Variants in MRPS15 observed in about 807,000 individuals in gnomAD.
MRPS15 encodes mitochondrial ribosomal protein S15, also known as small ribosomal subunit protein uS15m.
MRPS15 carries 25 observed loss-of-function variants against 30.7 expected under a neutral mutation model. The observed-to-expected ratio is 0.81, with a 90% confidence interval of 0.59 to 1.14. The LOEUF is 1.14. Ranked by LOEUF, MRPS15 falls within the 50% of genes most tolerant of loss-of-function variation. MRPS15 has a pLI of 0.00. For missense variants in MRPS15, 313 were observed against 321.7 expected (o/e 0.97, Z 0.21); for synonymous variants, 124 against 120.1 (o/e 1.03, Z -0.21).
At chr1:36,457,275 CA>C (rs60005613) in intron 6 of MRPS15, among the ~76,000 whole-genome samples, 39,572 of 142,516 alleles carry the variant, frequency 0.28, 5,732 homozygotes, top group East Asian at 0.53. Flanking sequence ...GGCTCCATCT[CA>C]AAAAAAAAAA....
At chr1:36,461,623 A>C (rs1292680735) in intron 3 of MRPS15, among the ~76,000 whole-genome samples, 2 of 152,196 alleles carry the variant, frequency 1.3e-5, no homozygotes, top group Admixed American at 6.5e-5. Context: ...GTTAAATTGC[A>C]CAGTGGGAGG....
At chr1:36,464,049 A>G in intron 1 of MRPS15, 97 bp downstream of exon 1, 1 of 1,289,602 alleles carries the variant, frequency 7.8e-7, no homozygotes, top group Non-Finnish European at 1.0e-6. Flanking sequence ...CCTTATCCTG[A>G]CCGCTGTATA....
Position 36,464,344 on chromosome 1 carries a change from A to C in MRPS15, c.-69T>G. ...CGCTTTGCGGCACGGACCGGGTTACATGGGCGCCGCCATGCTGGCCCAGGA... is the reference window on the plus strand; with the variant it reads ...CGCTTTGCGGCACGGACCGGGTTACCTGGGCGCCGCCATGCTGGCCCAGGA... On this transcript the variant is annotated 5_prime_UTR_variant, in exon 1 of 8. It removes an upstream start codon present in the reference 5' UTR. Coordinates refer to ENST00000373116, the MANE Select transcript of MRPS15 (RefSeq NM_031280.4). 2.6e-6 allele frequency: 4 copies of C among 1,558,404 alleles called. No individual in the cohort carries two copies. Among genetic ancestry groups the C allele is most frequent in the South Asian group, 1.2e-5 (1 of 84,522 alleles).
chr1:36,456,523 T>C lies in MRPS15; in HGVS notation c.445-145A>G, dbSNP rs1295227474. The C allele has an allele frequency of 1.0e-5, 8 of 767,610 alleles. No individual in the cohort carries two copies. In the East Asian group the frequency reaches 2.3e-4, roughly 22 times the overall value. The allele number at this position is 767,610 out of a possible 1,614,324, so 47.5% of individuals were successfully genotyped here. A position where few individuals can be genotyped will look rare whatever the true frequency, so the allele number is the denominator to read the frequency against. On this transcript the variant is annotated intron_variant, in intron 6 of 7. Transcript: ENST00000373116. ...GCAATTCTGAAGGAGGTATTATCAT[T>C]GTTATTCCCATTTTACAGATGAGAA...
At chr1:36,459,563 G>T (rs1161904518) in intron 5 of MRPS15, 3 of 152,218 alleles carry the variant, frequency 2.0e-5, no homozygotes, top group Non-Finnish European at 4.4e-5. Context: ...GGCTGAGCTG[G>T]TCCCTAGCCC....
chr1:36,462,069 T>C lies in MRPS15; in HGVS notation c.251+19A>G. On this transcript the variant is annotated intron_variant, in intron 3 of 7. Transcript: ENST00000373116. Reference sequence around the variant, plus strand: ...TCCCAGGGCCCCCTGCCTCCTCTACTAGGTTTCTTCCTGCTTACTTCTCAA... The same window carrying C: ...TCCCAGGGCCCCCTGCCTCCTCTACCAGGTTTCTTCCTGCTTACTTCTCAA... The C allele has an allele frequency of 6.2e-7, 1 of 1,608,102 alleles. No homozygotes were observed. The highest frequency in any genetic ancestry group is 8.5e-7 in the Non-Finnish European group (1 of 1,175,334).
Position 36,461,316 on chromosome 1 carries a change from T to TG in MRPS15, c.252-5dup. ...TCTTTTCACGACATCATCAACCCTGTGGATAAACCACAGCAATGAGACAGA... is the reference window on the plus strand; with the variant it reads ...TCTTTTCACGACATCATCAACCCTGTGGGATAAACCACAGCAATGAGACAGA... On this transcript the variant is annotated splice_region_variant and splice_polypyrimidine_tract_variant and intron_variant, in intron 3 of 7. Coordinates refer to ENST00000373116, the MANE Select transcript of MRPS15 (RefSeq NM_031280.4). 1 of 1,614,014 alleles carries TG rather than the reference T, an allele frequency of 6.2e-7. No homozygotes were observed. The highest frequency in any genetic ancestry group is 8.5e-7 in the Non-Finnish European group (1 of 1,179,892).
chr1:36,456,409 A>G lies in MRPS15; in HGVS notation c.445-31T>C. On this transcript the variant is annotated intron_variant, in intron 6 of 7. Transcript: ENST00000373116. ...AGAGATTCTCATTACTTTTAGTATT[A>G]TATAAGTGTTACTGTTGTTCACAGT... The G allele has an allele frequency of 1.9e-6, 3 of 1,542,332 alleles. No individual in the cohort carries two copies. The Middle Eastern group carries it at 5.2e-4, about 266-fold the overall frequency.
In MRPS15 at chr1:36,456,307, G is replaced by A. The variant is rs1321842206; in HGVS notation, c.516C>T (p.Asn172=). ...QRKKMLKNLR[N]TNYDVFEKIC... is the part of the protein sequence containing the mutation. ...TCTTCTCAAAGACATCATAGTTGGT[G>A]TTACGGAGGTTTTTGAGCATCTTTT... The change falls in exon 7 of 8, where the codon AAC becomes AAT. Residue 172 remains asparagine, a synonymous_variant. Transcript: ENST00000373116. 3 of 1,614,184 alleles carry A rather than the reference G, an allele frequency of 1.9e-6. No individual in the cohort carries two copies. The highest frequency in any genetic ancestry group is 1.1e-5 in the South Asian group (1 of 91,080).
Position 36,460,676 on chromosome 1 carries a change from A to G in MRPS15, c.385+16T>C, listed in dbSNP as rs199707213. On this transcript the variant is annotated intron_variant, in intron 5 of 7. Transcript: ENST00000373116. ...GGCTTCCCTACACCCCCACTCCCCA[A>G]GGGTCCCCGACCAACTTCGAGCCTC... 3.1e-6 allele frequency: 5 copies of G among 1,610,014 alleles called. No homozygotes were observed. The African/African-American group carries it at 6.7e-5, about 22-fold the overall frequency.
Position 36,456,412 on chromosome 1 carries a change from T to C in MRPS15, c.445-34A>G, listed in dbSNP as rs1649996864. 2.6e-6 allele frequency: 4 copies of C among 1,534,410 alleles called. 1 individual carries two copies. In the South Asian group the frequency reaches 5.0e-5, roughly 19 times the overall value. On this transcript the variant is annotated intron_variant, in intron 6 of 7. Coordinates refer to ENST00000373116, the MANE Select transcript of MRPS15 (RefSeq NM_031280.4). ...GATTCTCATTACTTTTAGTATTATA[T>C]AAGTGTTACTGTTGTTCACAGTAAC...
Position 36,464,380 on chromosome 1 carries a change from G to C in MRPS15, c.-105C>G. 2.1e-6 allele frequency: 3 copies of C among 1,447,684 alleles called. No homozygotes were observed. Among genetic ancestry groups the C allele is most frequent in the South Asian group, 1.4e-5 (1 of 72,378 alleles). The allele number at this position is 1,447,684 out of a possible 1,614,324, so 89.7% of individuals were successfully genotyped here. On this transcript the variant is annotated 5_prime_UTR_variant, in exon 1 of 8. Coordinates refer to ENST00000373116, the MANE Select transcript of MRPS15 (RefSeq NM_031280.4). ...CATGCTGGCCCAGGATCGACCAATC[G>C]AGGCAGTTGCAATACCGGAGCAGAC... is the stretch of plus-strand genomic sequence containing the variant.
In MRPS15 at chr1:36,457,978, A is replaced by G. The variant is rs749482343; in HGVS notation, c.389T>C (p.Ile130Thr). The G allele has an allele frequency of 5.0e-6, 8 of 1,614,116 alleles. No homozygotes were observed. The highest frequency in any genetic ancestry group is 6.8e-6 in the Non-Finnish European group (8 of 1,180,022). ...EDTRSLEARI[I>T]ALSVKIRSYE... The stretch of plus-strand genomic sequence containing the variant: ...ACTGCGGATCTTGACAGACAAGGCA[A>G]TAACTGAAACCACAAACCACAGAGG... The change falls in exon 6 of 8, where the codon ATT (isoleucine) becomes ACT (threonine). Residue 130 changes from isoleucine (I) to threonine (T), a missense_variant. Physicochemically the swap from Ile to Thr is moderately conservative, Grantham distance 89. Transcript: ENST00000373116.
chr1:36,464,098 C>T, intron 1 of MRPS15, 48 bp downstream of exon 1: 1 of 1,429,928 alleles, frequency 7.0e-7, no homozygotes, highest in East Asian at 3.0e-5. Context: ...CCTATCTTCG[C>T]CGAACCCTGT....
rs765092241 is a variant in MRPS15, at chr1:36,464,289, C to G, written c.-14G>C. ...GACCCTCAGCATGGTGACCTCTAAC[C>G]CCCGCGGGGCCCGCGCCGCGGCCGC... On this transcript the variant is annotated 5_prime_UTR_variant, in exon 1 of 8. Coordinates refer to ENST00000373116, the MANE Select transcript of MRPS15 (RefSeq NM_031280.4). 1.8e-5 allele frequency: 28 copies of G among 1,598,262 alleles called. No homozygotes were observed. In the Admixed American group the frequency reaches 3.0e-4, roughly 17 times the overall value.
At chr1:36,457,061 G>C (rs1047409672) in intron 6 of MRPS15, among the ~76,000 whole-genome samples, 1 of 152,176 alleles carries the variant, frequency 6.6e-6, no homozygotes, top group Non-Finnish European at 1.5e-5. Context: ...GAGATCACGA[G>C]GTCAGGAGAT....
In MRPS15 at chr1:36,463,836, C is replaced by T. The variant is rs376657771; in HGVS notation, c.145G>A (p.Ala49Thr). The change falls in exon 2 of 8, where the codon GCC becomes ACC. Residue 49 changes from alanine (A) to threonine (T), a missense_variant. By Grantham distance (58) the Ala-to-Thr change is moderately conservative (BLOSUM62 0). Transcript: ENST00000373116. ...GLQPRSLLLQAARGYVVRKPA... is the reference protein window; with the variant it reads ...GLQPRSLLLQTARGYVVRKPA... ...TTCCGGACGACATATCCGCGCGCGGCCTGGAGGAGGAGACCTACGCAGAAA... is the reference window on the plus strand; with the variant it reads ...TTCCGGACGACATATCCGCGCGCGGTCTGGAGGAGGAGACCTACGCAGAAA... 4.2e-5 allele frequency: 68 copies of T among 1,612,844 alleles called. No homozygotes were observed. Among genetic ancestry groups the T allele is most frequent in the Middle Eastern group, 3.3e-4 (2 of 6,080 alleles).
At chr1:36,456,579 C>T (rs1252922950) in intron 6 of MRPS15, 8 of 569,338 alleles carry the variant, frequency 1.4e-5, no homozygotes, top group Non-Finnish European at 2.4e-5. Context: ...ATCTGATTCA[C>T]AAAAGGTCTT....
intron 6 of MRPS15, among the ~76,000 whole-genome samples, chr1:36,457,702 A>G (rs1023279301): frequency 6.6e-6 from 1 of 152,160 alleles, no homozygotes; most frequent in Non-Finnish European, 1.5e-5. Context: ...TTTACTGAGC[A>G]CTCAGCATGT....
Sources: gnomAD v4.1 joint callset for allele counts (sites outside exome capture counted in the v4.1 genomes callset) on GRCh38, gnomAD v4.1.1 for gene constraint, MANE v1.5 for transcripts, NCBI Gene and HGNC (gene_info 2026-07-23, HGNC 2026-07-21) for gene names.